The following ATP8A2 variants were observed in gnomAD, a reference collection of about 807,000 sequenced individuals.
ATP8A2 encodes the protein phospholipid-transporting ATPase IB.
Under a neutral mutation model 165.6 loss-of-function variants are expected in ATP8A2, and 100 were observed. The observed-to-expected ratio is 0.60, with a 90% confidence interval of 0.51 to 0.71. The LOEUF is 0.71. Among genes scored for constraint, ATP8A2 ranks in the 30% least tolerant of loss-of-function variants. The pLI, the probability that ATP8A2 is intolerant of heterozygous loss-of-function variation, is 0.00. For synonymous variants in ATP8A2, 543 were observed against 548.8 expected (o/e 0.99, Z 0.15); for missense variants, 1,227 against 1,479.5 (o/e 0.83, Z 2.80).
chr13:25,449,957 T>C (rs571925093), intron 1 of ATP8A2, among the ~76,000 whole-genome samples: 18 of 152,328 alleles, frequency 1.2e-4, no homozygotes, highest in African/African-American at 4.1e-4. Context: ...TCAGCTATTT[T>C]TCCTGATCCT....
At chr13:25,618,372 T>G (rs1167426795) in intron 24 of ATP8A2, among the ~76,000 whole-genome samples, 6 of 152,102 alleles carry the variant, frequency 3.9e-5, no homozygotes, top group Middle Eastern at 3.2e-3. Context: ...TACAGCTGGT[T>G]GTTCATGCCG....
chr13:25,739,604 G>C (rs1484145021), intron 25 of ATP8A2, among the ~76,000 whole-genome samples: 1 of 151,454 alleles, frequency 6.6e-6, no homozygotes, highest in Non-Finnish European at 1.5e-5. Flanking sequence ...TGGAAAGACA[G>C]TTAAAAAAAA....
chr13:25,835,959 A>T (rs1951592680), intron 28 of ATP8A2, among the ~76,000 whole-genome samples: 1 of 152,172 alleles, frequency 6.6e-6, no homozygotes, highest in Non-Finnish European at 1.5e-5. Context: ...CATGAAACAG[A>T]ATGAGTGCTC....
intron 22 of ATP8A2, among the ~76,000 whole-genome samples, chr13:25,580,502 G>T (rs1220998655): frequency 1.3e-5 from 2 of 152,010 alleles, no homozygotes; most frequent in Non-Finnish European, 2.9e-5. Flanking sequence ...CAGCCATAGG[G>T]CCATCCAATT....
intron 25 of ATP8A2, among the ~76,000 whole-genome samples, chr13:25,740,310 A>G (rs2043882908): frequency 8.7e-6 from 1 of 114,730 alleles, no homozygotes. Context: ...CTCTATCTCA[A>G]AAAAAAAAAA....
intron 24 of ATP8A2, among the ~76,000 whole-genome samples, chr13:25,674,332 C>T (rs896643576): frequency 6.6e-6 from 1 of 151,312 alleles, no homozygotes; most frequent in Non-Finnish European, 1.5e-5. Flanking sequence ...TTGTTTTCAA[C>T]CATGTATGAA....
intron 1 of ATP8A2, among the ~76,000 whole-genome samples, chr13:25,430,764 A>T (rs1042538851): frequency 6.6e-6 from 1 of 151,778 alleles, no homozygotes; most frequent in African/African-American, 2.4e-5. Context: ...TGCCCAGCAA[A>T]TTTTTGTATT....
chr13:25,461,878 G>A (rs958604453), intron 1 of ATP8A2, among the ~76,000 whole-genome samples: 1 of 151,630 alleles, frequency 6.6e-6, no homozygotes, highest in African/African-American at 2.4e-5. Context: ...AGGAGGAGGA[G>A]GAAGAAGGAG....
intron 33 of ATP8A2, among the ~76,000 whole-genome samples, chr13:25,907,233 G>A (rs572083111): frequency 5.2e-4 from 79 of 152,020 alleles, no homozygotes; most frequent in Non-Finnish European, 1.0e-3. Context: ...CTGGGCGACA[G>A]AGCGAGACTC....
chr13:25,377,150 A>G (rs979765605), intron 1 of ATP8A2, among the ~76,000 whole-genome samples: 1 of 152,260 alleles, frequency 6.6e-6, no homozygotes. Context: ...TTAAGCATTT[A>G]TGAGACGAAG....
intron 27 of ATP8A2, among the ~76,000 whole-genome samples, chr13:25,822,763 T>C (rs1462868239): frequency 6.6e-6 from 1 of 152,242 alleles, no homozygotes; most frequent in African/African-American, 2.4e-5. Context: ...TTCAAATTTG[T>C]CCCTCATTTC....
At chr13:25,444,427 T>C (rs1335666893) in intron 1 of ATP8A2, among the ~76,000 whole-genome samples, 1 of 152,216 alleles carries the variant, frequency 6.6e-6, no homozygotes, top group East Asian at 1.9e-4. Context: ...AACTCAATCA[T>C]AAGGTAGATG....
intron 1 of ATP8A2, among the ~76,000 whole-genome samples, chr13:25,465,804 G>A (rs1388542665): frequency 8.2e-5 from 4 of 48,738 alleles, no homozygotes; most frequent in Admixed American, 3.0e-4. Context: ...TTTCTTTTTT[G>A]GTAGAGATGA....
At position 25,404,571 on chromosome 13, in the gene ATP8A2, A is replaced by G. The variant is rs919409129; in HGVS notation, c.76+32283A>G. On this transcript the variant is annotated intron_variant, in intron 1 of 36. Coordinates refer to ENST00000381655, the MANE Select transcript of ATP8A2 (RefSeq NM_016529.6). ...GGGAGTGGCAGTGAGGGTGGTGGGCAGTGGATGTGCATCTGAGAAACTTGA... is the reference window on the plus strand; with the variant it reads ...GGGAGTGGCAGTGAGGGTGGTGGGCGGTGGATGTGCATCTGAGAAACTTGA... Among the ~76,000 whole-genome samples the G allele has an allele frequency of 2.0e-5, 3 of 152,102 alleles. No homozygotes were observed. In the South Asian group the frequency reaches 6.2e-4, roughly 32 times the overall value.
chr13:25,499,322 T>C (rs1211051639), intron 2 of ATP8A2, among the ~76,000 whole-genome samples: 4 of 152,166 alleles, frequency 2.6e-5, no homozygotes, highest in Non-Finnish European at 5.9e-5. Flanking sequence ...AAGACCCTAC[T>C]TCACAAATAA....
chr13:26,013,254 G>C (rs969091707), intron 36 of ATP8A2, among the ~76,000 whole-genome samples: 3 of 152,106 alleles, frequency 2.0e-5, no homozygotes, highest in African/African-American at 7.2e-5. Flanking sequence ...CTGCCTCTCT[G>C]TGTCCTGCGG....
chr13:25,448,754 A>T (rs956546167), intron 1 of ATP8A2, among the ~76,000 whole-genome samples: 1 of 152,070 alleles, frequency 6.6e-6, no homozygotes, highest in African/African-American at 2.4e-5. Context: ...GGTTCAAGTG[A>T]TTGTCCTTTC....
chr13:25,925,987 A>G (rs905248175), intron 33 of ATP8A2, among the ~76,000 whole-genome samples: 1 of 152,046 alleles, frequency 6.6e-6, no homozygotes, highest in Non-Finnish European at 1.5e-5. Flanking sequence ...CGGCCTCCCA[A>G]AGTGCCAGGA....
intron 27 of ATP8A2, among the ~76,000 whole-genome samples, chr13:25,794,308 A>ATACC (rs1593357316): frequency 6.6e-6 from 1 of 152,360 alleles, no homozygotes. Context: ...ACTGTGCAGT[A>ATACC]TACCTATGCA....
Sources: allele counts gnomAD v4.1 joint callset (sites outside exome capture counted in the v4.1 genomes callset), GRCh38; gene constraint gnomAD v4.1.1; transcripts MANE v1.5; gene names NCBI Gene and HGNC (gene_info 2026-07-23, HGNC 2026-07-21).